CDC42BPA: variants seen among roughly 807,000 people sequenced by gnomAD.
CDC42BPA encodes CDC42 binding protein kinase alpha, also known as serine/threonine-protein kinase MRCK alpha.
CDC42BPA carries 80 observed loss-of-function variants against 223.5 expected under a neutral mutation model. That is an observed-to-expected ratio of 0.36 (90% CI 0.30 to 0.43). The LOEUF (loss-of-function observed/expected upper bound fraction) is 0.43, where lower values mean the gene tolerates loss of function less well. Ranked by LOEUF, CDC42BPA falls within the 20% of genes least tolerant of loss-of-function variation. The probability of loss-of-function intolerance (pLI) is 1.00; values close to 1 mark genes in which losing one functional copy is unlikely to be tolerated. For synonymous variants in CDC42BPA, 694 were observed against 718.6 expected, an observed-to-expected ratio of 0.97 and a Z score of 0.55; for missense variants, 1,743 against 2,099.9, an observed-to-expected ratio of 0.83 and a Z score of 3.32.
chr1:227,159,013 G>C (rs1436339693), intron 6 of CDC42BPA, among the ~76,000 whole-genome samples: 1 of 152,064 alleles, frequency 6.6e-6, no homozygotes, highest in Non-Finnish European at 1.5e-5. Context: ...TTTATGTCAG[G>C]GATAATAGTA....
intron 21 of CDC42BPA, among the ~76,000 whole-genome samples, chr1:227,053,479 T>A (rs986204892): frequency 6.6e-6 from 1 of 152,012 alleles, no homozygotes; most frequent in African/African-American, 2.4e-5. Context: ...ACTCAATATT[T>A]AAAAAACTGG....
intron 2 of CDC42BPA, among the ~76,000 whole-genome samples, chr1:227,230,422 G>A (rs1028984844): frequency 6.6e-6 from 1 of 152,148 alleles, no homozygotes; most frequent in Non-Finnish European, 1.5e-5. Flanking sequence ...AGATTAGGGA[G>A]AACTGATATC....
intron 3 of CDC42BPA, among the ~76,000 whole-genome samples, chr1:227,207,498 A>T: frequency 7.5e-6 from 1 of 132,948 alleles, no homozygotes; most frequent in Non-Finnish European, 1.6e-5. Context: ...TATATCTCCC[A>T]ATGCTATCCC....
intron 10 of CDC42BPA, among the ~76,000 whole-genome samples, chr1:227,139,198 G>A (rs1245912137): frequency 6.6e-6 from 1 of 152,118 alleles, no homozygotes; most frequent in Non-Finnish European, 1.5e-5. Context: ...AAATATGGCA[G>A]AAGCAATGCT....
intron 5 of CDC42BPA, among the ~76,000 whole-genome samples, chr1:227,193,228 C>G (rs998854347): frequency 2.3e-5 from 2 of 85,842 alleles, no homozygotes; most frequent in African/African-American, 7.8e-5. Flanking sequence ...CGCCACCACG[C>G]CCGGCTAATT....
intron 3 of CDC42BPA, 45 bp downstream of exon 3, chr1:227,213,091 A>C (rs1513612): frequency 4.2e-6 from 4 of 959,670 alleles, no homozygotes; most frequent in African/African-American, 3.4e-5. Context: ...ATTCCTGAAA[A>C]ATATTTCTAA....
chr1:227,199,926 C>T (rs1671422109), intron 3 of CDC42BPA, among the ~76,000 whole-genome samples: 1 of 152,128 alleles, frequency 6.6e-6, no homozygotes, highest in Admixed American at 6.5e-5. Flanking sequence ...GACCAACCCA[C>T]CATCCAGATA....
At chr1:227,166,678 C>A (rs1160374465) in intron 5 of CDC42BPA, among the ~76,000 whole-genome samples, 1 of 152,078 alleles carries the variant, frequency 6.6e-6, no homozygotes, top group Non-Finnish European at 1.5e-5. Flanking sequence ...ATACAAGGAC[C>A]ACCCTGGTTC....
At chr1:227,030,505 G>A in intron 28 of CDC42BPA, 35 bp from the exon 29 acceptor site, 3 of 1,342,870 alleles carry the variant, frequency 2.2e-6, no homozygotes, top group Non-Finnish European at 2.1e-6. Flanking sequence ...ATTTTTATTA[G>A]GAAAAAAACC....
chr1:227,264,096 T>C (rs1350900509), intron 1 of CDC42BPA, among the ~76,000 whole-genome samples: 1 of 152,236 alleles, frequency 6.6e-6, no homozygotes, highest in Non-Finnish European at 1.5e-5. Context: ...CTGCTTTTTA[T>C]TTGCCTTTGT....
intron 2 of CDC42BPA, among the ~76,000 whole-genome samples, chr1:227,246,264 G>GTGGTTT (rs1260752709): frequency 6.6e-6 from 1 of 152,238 alleles, no homozygotes; most frequent in Non-Finnish European, 1.5e-5. Flanking sequence ...TTTTTGTATT[G>GTGGTTT]TGGTTTGAAT....
chr1:227,158,479 C>T (rs1399303410), intron 6 of CDC42BPA, among the ~76,000 whole-genome samples: 1 of 151,948 alleles, frequency 6.6e-6, no homozygotes, highest in African/African-American at 2.4e-5. Flanking sequence ...TATGTAAGCA[C>T]ATAAAAAAAT....
At chr1:227,099,001 T>G (rs985301665) in intron 15 of CDC42BPA, among the ~76,000 whole-genome samples, 1 of 152,074 alleles carries the variant, frequency 6.6e-6, no homozygotes, top group Non-Finnish European at 1.5e-5. Flanking sequence ...GAACACTATG[T>G]GGTGTTGAAA....
chr1:227,178,330 C>T (rs1667314858), intron 5 of CDC42BPA: 5 of 152,648 alleles, frequency 3.3e-5, no homozygotes, highest in Admixed American at 3.3e-4. Flanking sequence ...CCACTTTTAT[C>T]AGGGTTTCTC....
At chr1:227,201,083 C>G (rs1349054423) in intron 3 of CDC42BPA, among the ~76,000 whole-genome samples, 1 of 151,996 alleles carries the variant, frequency 6.6e-6, no homozygotes, top group South Asian at 2.1e-4. Flanking sequence ...GAATACACTT[C>G]CACTACTATA....
At chr1:227,066,296 A>G (rs1677049205) in intron 21 of CDC42BPA, among the ~76,000 whole-genome samples, 2 of 152,046 alleles carry the variant, frequency 1.3e-5, no homozygotes, top group South Asian at 4.2e-4. Context: ...AGGCTGAGGC[A>G]GGAGAATCGC....
At chr1:227,014,571 T>G (rs1665847072) in intron 34 of CDC42BPA, among the ~76,000 whole-genome samples, 1 of 50,192 alleles carries the variant, frequency 2.0e-5, no homozygotes, top group African/African-American at 8.0e-5. Context: ...TTAAAAGGCG[T>G]TTTTTTTAAT....
chr1:227,185,750 T>A (rs931323970), intron 5 of CDC42BPA, among the ~76,000 whole-genome samples: 2 of 29,044 alleles, frequency 6.9e-5, no homozygotes, highest in Non-Finnish European at 1.9e-4. Flanking sequence ...CGTGTGTCCA[T>A]GTCGTTTTTT....
At position 227,150,295 on chromosome 1, in the gene CDC42BPA, T is replaced by C. The variant is rs900860603; in HGVS notation, c.694-2736A>G. On this transcript the variant is annotated intron_variant, in intron 6 of 36. Transcript: ENST00000366766. ...AAAACCAGACTCATGTCTATACACA[T>C]TGGAATTAAACTACAGAATACCAAA... 1.6e-4 allele frequency among the ~76,000 whole-genome samples: 24 copies of C among 150,256 alleles called. 1 individual carries two copies. The highest frequency in any genetic ancestry group is 5.6e-4 in the African/African-American group (23 of 41,014).
Sources: gnomAD v4.1 joint callset for allele counts (sites outside exome capture counted in the v4.1 genomes callset) on GRCh38, gnomAD v4.1.1 for gene constraint, MANE v1.5 for transcripts, NCBI Gene and HGNC (gene_info 2026-07-23, HGNC 2026-07-21) for gene names.